Variants in CYFIP1 observed in about 807,000 individuals in gnomAD.
The protein encoded by CYFIP1 is cytoplasmic FMR1-interacting protein 1.
CYFIP1 carries 58 observed loss-of-function variants against 163.5 expected under a neutral mutation model. The observed-to-expected ratio is 0.35, with a 90% CI of 0.29 to 0.44. The LOEUF is 0.44. CYFIP1 is among the 20% of genes least tolerant of loss of function. CYFIP1 has a pLI of 1.00. For missense variants in CYFIP1, 1,338 were observed against 1,653.8 expected, an observed-to-expected ratio of 0.81 and a Z score of 3.31; for synonymous variants, 663 against 660.7, an observed-to-expected ratio of 1.00 and a Z score of -0.05.
intron 22 of CYFIP1, among the ~76,000 whole-genome samples, chr15:22,894,739 C>G (rs1473264375): frequency 6.7e-6 from 1 of 150,158 alleles, no homozygotes; most frequent in East Asian, 1.9e-4. Flanking sequence ...AATGCAATTA[C>G]TCTTTATAAT....
chr15:22,927,573 C>G (rs925040482), intron 12 of CYFIP1, among the ~76,000 whole-genome samples: 6 of 150,430 alleles, frequency 4.0e-5, no homozygotes, highest in African/African-American at 9.8e-5. Context: ...AGAAGGATCG[C>G]TTGGGGTGGG....
intron 22 of CYFIP1, among the ~76,000 whole-genome samples, chr15:22,902,291 A>G (rs754243296): frequency 1.3e-5 from 2 of 152,184 alleles, no homozygotes; most frequent in Non-Finnish European, 2.9e-5. Flanking sequence ...TGATCTGCAC[A>G]CAGAAGTGTT....
chr15:22,971,966 A>G (rs986481216), intron 1 of CYFIP1, among the ~76,000 whole-genome samples: 11 of 152,168 alleles, frequency 7.2e-5, no homozygotes, highest in Admixed American at 2.6e-4. Flanking sequence ...AGCAATCTAC[A>G]GATTCAATGC....
intron 12 of CYFIP1, among the ~76,000 whole-genome samples, chr15:22,927,689 C>T (rs933223221): frequency 1.3e-4 from 19 of 151,214 alleles, no homozygotes; most frequent in African/African-American, 4.3e-4. Context: ...CACAATGGTA[C>T]AAATTTAATT....
chr15:22,889,775 G>C (rs1035925143), intron 23 of CYFIP1, among the ~76,000 whole-genome samples: 5 of 152,082 alleles, frequency 3.3e-5, no homozygotes, highest in African/African-American at 9.7e-5. Flanking sequence ...GCCTAAAACA[G>C]GGATTAAAAA....
intron 1 of CYFIP1, among the ~76,000 whole-genome samples, chr15:22,955,009 T>C (rs2062394606): frequency 6.6e-6 from 1 of 152,132 alleles, no homozygotes; most frequent in African/African-American, 2.4e-5. Context: ...GCTCACATCA[T>C]GCTGCACACC....
chr15:22,946,401 G>A (rs2062060626), intron 3 of CYFIP1, among the ~76,000 whole-genome samples: 1 of 152,254 alleles, frequency 6.6e-6, no homozygotes, highest in African/African-American at 2.4e-5. Flanking sequence ...AGCACTTTGG[G>A]AGGCTAAGGT....
intron 13 of CYFIP1, among the ~76,000 whole-genome samples, chr15:22,924,112 C>A (rs548014451): frequency 2.0e-5 from 3 of 151,956 alleles, no homozygotes; most frequent in Admixed American, 6.6e-5. Context: ...AACAGTGATA[C>A]CTGTGTGAAT....
Position 22,933,475 on chromosome 15 carries a change from C to T in CYFIP1, c.992+327G>A, listed in dbSNP as rs966446817. On this transcript the variant is annotated intron_variant, in intron 10 of 30. Transcript: ENST00000617928. Reference sequence around the variant, plus strand: ...GACTACAGGCGCCCACCACCACGCCCGGCTAATTTTTTCTATTTTTAGTAG... The same window carrying T: ...GACTACAGGCGCCCACCACCACGCCTGGCTAATTTTTTCTATTTTTAGTAG... Among the ~76,000 whole-genome samples, 38 of 151,942 alleles carry T rather than the reference C, an allele frequency of 2.5e-4. 3 individuals carry two copies. Among genetic ancestry groups the T allele is most frequent in the African/African-American group, 9.7e-5 (4 of 41,362 alleles).
intron 1 of CYFIP1, among the ~76,000 whole-genome samples, chr15:22,951,883 C>T (rs910341058): frequency 1.3e-5 from 2 of 151,994 alleles, no homozygotes; most frequent in Admixed American, 1.3e-4. Context: ...GTCGAACCCA[C>T]GGAAAAACGC....
chr15:22,913,733 T>C (rs2060874205), intron 17 of CYFIP1, among the ~76,000 whole-genome samples: 1 of 151,648 alleles, frequency 6.6e-6, no homozygotes, highest in Non-Finnish European at 1.5e-5. Context: ...ACAAAGGCCA[T>C]GGCCAGGGGC....
At chr15:22,952,707 ATGC>A (rs1190960536) in intron 1 of CYFIP1, among the ~76,000 whole-genome samples, 1 of 20,320 alleles carries the variant, frequency 4.9e-5, no homozygotes, top group African/African-American at 1.4e-4. Flanking sequence ...TATGTTATGC[ATGC>A]ATATTTTACT....
intron 22 of CYFIP1, 92 bp downstream of exon 22, chr15:22,903,614 G>C: frequency 3.0e-6 from 4 of 1,326,844 alleles, no homozygotes; most frequent in Non-Finnish European, 2.1e-6. Context: ...CAAGAGCAGG[G>C]AGACAGGGAC....
chr15:22,910,249 T>C (rs2060740217), intron 20 of CYFIP1, among the ~76,000 whole-genome samples: 1 of 152,190 alleles, frequency 6.6e-6, no homozygotes, highest in African/African-American at 2.4e-5. Flanking sequence ...CAAGCTCCAC[T>C]TCCCAGGTTC....
chr15:22,980,559 C>T (rs1372012377), upstream of CYFIP1, among the ~76,000 whole-genome samples: 2 of 151,966 alleles, frequency 1.3e-5, no homozygotes, highest in Non-Finnish European at 2.9e-5. Flanking sequence ...GCAGAGAGCC[C>T]CTGGCTACCT....
intron 1 of CYFIP1, among the ~76,000 whole-genome samples, chr15:22,976,162 C>CT (rs1018847377): frequency 1.1e-3 from 163 of 144,340 alleles, no homozygotes; most frequent in Middle Eastern, 3.6e-3. Flanking sequence ...ATTTAATTTT[C>CT]TTTTTTTTTT....
intron 1 of CYFIP1, among the ~76,000 whole-genome samples, chr15:22,974,967 A>T (rs1237014013): frequency 6.6e-6 from 1 of 151,424 alleles, no homozygotes; most frequent in African/African-American, 2.4e-5. Context: ...CAACCCATCC[A>T]CTTCCTCCTC....
chr15:22,975,586 C>A (rs1174970298), intron 1 of CYFIP1, among the ~76,000 whole-genome samples: 1 of 151,914 alleles, frequency 6.6e-6, no homozygotes, highest in Admixed American at 6.6e-5. Flanking sequence ...CACAGTGAAA[C>A]CCCCTCTCTA....
At chr15:22,931,029 A>T (rs180791299) in intron 11 of CYFIP1, among the ~76,000 whole-genome samples, 1 of 152,134 alleles carries the variant, frequency 6.6e-6, no homozygotes, top group Admixed American at 6.5e-5. Context: ...TAGAAGCAGC[A>T]GGTGCCCCAA....
Sources: gnomAD v4.1 joint callset for allele counts (sites outside exome capture counted in the v4.1 genomes callset) on GRCh38, gnomAD v4.1.1 for gene constraint, MANE v1.5 for transcripts, NCBI Gene and HGNC (gene_info 2026-07-23, HGNC 2026-07-21) for gene names.